Variants in GRM8 observed in about 807,000 individuals in gnomAD.
The protein encoded by GRM8 is glutamate metabotropic receptor 8, also known as metabotropic glutamate receptor 8.
A neutral mutation model predicts 87.2 loss-of-function variants in GRM8; 47 were observed. The ratio of observed to expected loss-of-function variants is 0.54; its 90% CI spans 0.43 to 0.69. The LOEUF (loss-of-function observed/expected upper bound fraction) is 0.69. Among genes scored for constraint, GRM8 ranks in the 30% least tolerant of loss-of-function variants. GRM8 has a pLI of 0.00. For synonymous variants in GRM8, 396 were observed against 404.5 expected (o/e 0.98, Z 0.25); for missense variants, 1,019 against 1,139.2 (o/e 0.89, Z 1.52).
chr7:127,231,310 C>T (rs994279735), intron 2 of GRM8, among the ~76,000 whole-genome samples: 6 of 152,154 alleles, frequency 3.9e-5, no homozygotes, highest in African/African-American at 1.4e-4. Flanking sequence ...TTCAGCACTG[C>T]CTCACAATGC....
chr7:126,831,689 C>T (rs1236313601), intron 6 of GRM8, among the ~76,000 whole-genome samples: 2 of 152,126 alleles, frequency 1.3e-5, no homozygotes, highest in East Asian at 1.9e-4. Flanking sequence ...TCAGCTGGTG[C>T]ACAGTGCGCT....
At chr7:127,208,309 T>C (rs1796026471) in intron 2 of GRM8, among the ~76,000 whole-genome samples, 1 of 152,184 alleles carries the variant, frequency 6.6e-6, no homozygotes, top group Non-Finnish European at 1.5e-5. Context: ...TCATAGCTCC[T>C]CCTGTAACCT....
Position 126,788,420 on chromosome 7 carries a change from A to AAAAAAAAAAAAAACAAAAAAAAAAAAAAC in GRM8, c.1157-18356_1157-18355insGTTTTTTTTTTTTTTGTTTTTTTTTTTTT. ...GCAAGACTCCATCTCAAAAAAAAAA[A>AAAAAAAAAAAAAACAAAAAAAAAAAAAAC]AAACCCTTTCAGATATCTTTAACAT... On this transcript the variant is annotated intron_variant, in intron 6 of 10. Coordinates refer to ENST00000339582, the MANE Select transcript of GRM8 (RefSeq NM_000845.3). Among the ~76,000 whole-genome samples, 14 of 81,134 alleles carry AAAAAAAAAAAAAACAAAAAAAAAAAAAAC rather than the reference A, an allele frequency of 1.7e-4. 1 individual carries two copies. Among genetic ancestry groups the AAAAAAAAAAAAAACAAAAAAAAAAAAAAC allele is most frequent in the African/African-American group, 6.4e-4 (14 of 21,824 alleles). The allele number at this position is 81,134 out of a possible 152,430, so 53.2% of individuals were successfully genotyped here.
At chr7:127,127,213 C>CAT (rs1398605337) in intron 2 of GRM8, among the ~76,000 whole-genome samples, 4 of 151,930 alleles carry the variant, frequency 2.6e-5, no homozygotes, top group South Asian at 2.1e-4. Flanking sequence ...CACATATGTA[C>CAT]ATATGTATGT....
In GRM8 at chr7:126,904,688, T is replaced by C. The variant is rs747465575; in HGVS notation, c.728-5A>G. 6.2e-7 allele frequency: 1 copy of C among 1,612,014 alleles called. No individual in the cohort carries two copies. The highest frequency in any genetic ancestry group is 8.5e-7 in the Non-Finnish European group (1 of 1,178,762). ...ACTGAGCAATGCAAACACCACCTAT[T>C]TAAAAAAGAAGGGAGGTGGTGATTC... On this transcript the variant is annotated splice_polypyrimidine_tract_variant and splice_region_variant and intron_variant, in intron 3 of 10. Coordinates refer to ENST00000339582, the MANE Select transcript of GRM8 (RefSeq NM_000845.3).
intron 7 of GRM8, among the ~76,000 whole-genome samples, chr7:126,686,527 T>C (rs1234346304): frequency 6.6e-6 from 1 of 152,164 alleles, no homozygotes; most frequent in African/African-American, 2.4e-5. Flanking sequence ...CATTCGCTGG[T>C]GCCAGCTGGA....
At chr7:126,762,131 G>A (rs756940876) in intron 7 of GRM8, among the ~76,000 whole-genome samples, 23 of 152,012 alleles carry the variant, frequency 1.5e-4, no homozygotes, top group Non-Finnish European at 2.8e-4. Flanking sequence ...TAAAAATTAG[G>A]TACCTTAGAA....
At chr7:126,523,340 TG>T (rs1407920964) in intron 9 of GRM8, among the ~76,000 whole-genome samples, 2 of 152,148 alleles carry the variant, frequency 1.3e-5, no homozygotes, top group East Asian at 1.9e-4. Context: ...TGAGTTTGAA[TG>T]TTTTTTTGTT....
At chr7:126,563,798 C>T (rs1422577718) in intron 8 of GRM8, among the ~76,000 whole-genome samples, 1 of 152,162 alleles carries the variant, frequency 6.6e-6, no homozygotes, top group Non-Finnish European at 1.5e-5. Context: ...TTGGGGCTAC[C>T]ACAACAGAGA....
At chr7:126,458,697 A>G (rs1318355173) in intron 9 of GRM8, among the ~76,000 whole-genome samples, 3 of 151,268 alleles carry the variant, frequency 2.0e-5, no homozygotes, top group African/African-American at 7.3e-5. Flanking sequence ...GTTATCCAGC[A>G]ACAAAAATAA....
intron 3 of GRM8, among the ~76,000 whole-genome samples, chr7:126,991,716 G>C (rs1419662622): frequency 1.3e-5 from 2 of 152,068 alleles, no homozygotes; most frequent in African/African-American, 4.8e-5. Context: ...TTCTACTAAA[G>C]CAAAAATGGA....
At chr7:126,691,441 C>A (rs1267770157) in intron 7 of GRM8, among the ~76,000 whole-genome samples, 1 of 152,138 alleles carries the variant, frequency 6.6e-6, no homozygotes, top group Non-Finnish European at 1.5e-5. Context: ...AGTCCGCAGC[C>A]GCAGCTAGGT....
At chr7:126,607,699 T>A (rs895528496) in intron 8 of GRM8, among the ~76,000 whole-genome samples, 4 of 151,966 alleles carry the variant, frequency 2.6e-5, no homozygotes, top group Admixed American at 6.6e-5. Flanking sequence ...TTTATGTATT[T>A]TTATTATTAT....
intron 7 of GRM8, among the ~76,000 whole-genome samples, chr7:126,720,954 T>C (rs1181685983): frequency 6.6e-6 from 1 of 152,194 alleles, no homozygotes; most frequent in Non-Finnish European, 1.5e-5. Flanking sequence ...TTTTTCCCTC[T>C]AGCAAACACA....
chr7:126,845,043 C>T (rs891864059), intron 6 of GRM8, among the ~76,000 whole-genome samples: 9 of 152,194 alleles, frequency 5.9e-5, no homozygotes, highest in African/African-American at 2.2e-4. Flanking sequence ...ACCATCTCTA[C>T]CTTACCTTGC....
chr7:126,511,928 C>T (rs543040015), intron 9 of GRM8: 63 of 152,106 alleles, frequency 4.1e-4, no homozygotes, highest in African/African-American at 1.5e-3. Flanking sequence ...GAAAGTTGAA[C>T]ACATAGAAAA....
rs192360982 is a variant in GRM8, at chr7:126,621,050, T to C, written c.1358-11552A>G. The stretch of plus-strand genomic sequence containing the variant: ...TTTAGTAATTTTTAGCACCCTTAAA[T>C]AAAGAATAAATATGTGAGATTTGTC... On this transcript the variant is annotated intron_variant, in intron 7 of 10. Transcript: ENST00000339582. 4.7e-4 allele frequency among the ~76,000 whole-genome samples: 71 copies of C among 152,278 alleles called. 4 individuals are homozygous for C. In the East Asian group the frequency reaches 6.8e-3, roughly 15 times the overall value.
At chr7:126,892,098 G>C (rs1282648849) in intron 6 of GRM8, among the ~76,000 whole-genome samples, 1 of 144,322 alleles carries the variant, frequency 6.9e-6, no homozygotes, top group African/African-American at 2.6e-5. Flanking sequence ...AATAAATATA[G>C]TTTTAATATT....
rs1801669387 is a variant in GRM8, at chr7:126,897,606, A to G, written c.1156+4936T>C. Among the ~76,000 whole-genome samples, 2 of 152,190 alleles carry G rather than the reference A, an allele frequency of 1.3e-5. 1 individual carries two copies. ...GGAAGGGAGGGAGAGGTCAGATAAA[A>G]GTCTATAAAATAACACCCATCACCA... On this transcript the variant is annotated intron_variant, in intron 6 of 10. Transcript: ENST00000339582.
Sources: allele counts gnomAD v4.1 joint callset (sites outside exome capture counted in the v4.1 genomes callset), GRCh38; gene constraint gnomAD v4.1.1; transcripts MANE v1.5; gene names NCBI Gene and HGNC (gene_info 2026-07-23, HGNC 2026-07-21).